GPC6: variants seen among roughly 807,000 people sequenced by gnomAD.
GPC6 encodes the protein glypican 6.
GPC6 carries 14 observed loss-of-function variants against 55.2 expected under a neutral mutation model. The ratio of observed to expected loss-of-function variants is 0.25; its 90% confidence interval spans 0.17 to 0.40. The LOEUF (loss-of-function observed/expected upper bound fraction) is 0.40, where lower values mean the gene tolerates loss of function less well. Among genes scored for constraint, GPC6 ranks in the 10% least tolerant of loss-of-function variants. The pLI is 1.00. For missense variants in GPC6, 641 were observed against 708.5 expected (o/e 0.90, Z 1.08); for synonymous variants, 278 against 259.6 (o/e 1.07, Z -0.68).
At chr13:93,374,287 C>G (rs773947075) in intron 1 of GPC6, among the ~76,000 whole-genome samples, 2 of 152,098 alleles carry the variant, frequency 1.3e-5, no homozygotes, top group Non-Finnish European at 2.9e-5. Context: ...CTAGGGATTG[C>G]GGAGCAGGTG....
chr13:94,251,286 C>T (rs2139037478), intron 4 of GPC6, among the ~76,000 whole-genome samples: 1 of 150,536 alleles, frequency 6.6e-6, no homozygotes, highest in Middle Eastern at 3.4e-3. Context: ...GGGAAACACA[C>T]ACCAGGGCCA....
intron 1 of GPC6, among the ~76,000 whole-genome samples, chr13:93,392,878 G>A (rs1173046693): frequency 6.6e-6 from 1 of 152,048 alleles, no homozygotes; most frequent in Non-Finnish European, 1.5e-5. Context: ...GTGATTAGCT[G>A]TTACATTCTT....
At chr13:94,306,785 A>G (rs1875968262) in intron 6 of GPC6, among the ~76,000 whole-genome samples, 1 of 152,220 alleles carries the variant, frequency 6.6e-6, no homozygotes, top group Non-Finnish European at 1.5e-5. Flanking sequence ...TGCCATTTAA[A>G]AAAGCTCATA....
chr13:94,176,435 C>T (rs962413044), intron 4 of GPC6, among the ~76,000 whole-genome samples: 5 of 152,090 alleles, frequency 3.3e-5, no homozygotes, highest in Admixed American at 2.0e-4. Context: ...ATAGCAGAAC[C>T]GATATTTGGA....
chr13:93,891,888 G>C (rs751462936), intron 3 of GPC6, among the ~76,000 whole-genome samples: 13 of 151,764 alleles, frequency 8.6e-5, no homozygotes, highest in Non-Finnish European at 1.9e-4. Flanking sequence ...TGTGTATATT[G>C]TGTGTATAGT....
intron 3 of GPC6, among the ~76,000 whole-genome samples, chr13:93,884,828 T>C (rs1446408438): frequency 6.6e-6 from 1 of 152,138 alleles, no homozygotes; most frequent in African/African-American, 2.4e-5. Context: ...CGGCTGCATT[T>C]TGTATGTTAG....
At chr13:93,549,509 C>CTT (rs1298630524) in intron 2 of GPC6, among the ~76,000 whole-genome samples, 1 of 152,136 alleles carries the variant, frequency 6.6e-6, no homozygotes, top group Non-Finnish European at 1.5e-5. Flanking sequence ...TTGAGGCAAA[C>CTT]TGCAGTGCAG....
intron 3 of GPC6, among the ~76,000 whole-genome samples, chr13:93,972,877 A>G (rs1880343728): frequency 6.6e-6 from 1 of 151,720 alleles, no homozygotes; most frequent in South Asian, 2.1e-4. Context: ...TCTGTAGACC[A>G]TCAAACATGG....
intron 1 of GPC6, among the ~76,000 whole-genome samples, chr13:93,241,133 A>T (rs181095465): frequency 6.6e-6 from 1 of 152,138 alleles, no homozygotes; most frequent in African/African-American, 2.4e-5. Flanking sequence ...TTCTTTTTGC[A>T]ATGAATCTCC....
intron 4 of GPC6, among the ~76,000 whole-genome samples, chr13:94,239,463 A>G (rs892659357): frequency 2.0e-5 from 3 of 152,154 alleles, no homozygotes; most frequent in African/African-American, 7.2e-5. Flanking sequence ...AATCAAGTCA[A>G]GGAAAAATGT....
At chr13:94,321,008 G>A (rs753412501) in intron 6 of GPC6, among the ~76,000 whole-genome samples, 4 of 152,026 alleles carry the variant, frequency 2.6e-5, no homozygotes, top group Admixed American at 6.5e-5. Context: ...AGATTATTTC[G>A]CCAACCAGAT....
intron 1 of GPC6, among the ~76,000 whole-genome samples, chr13:93,363,206 C>T (rs1213035980): frequency 6.9e-6 from 1 of 145,542 alleles, no homozygotes; most frequent in Non-Finnish European, 1.5e-5. Flanking sequence ...CATATGTATA[C>T]ATGTGCCATG....
chr13:94,307,158 C>A (rs1221338928), intron 6 of GPC6, among the ~76,000 whole-genome samples: 1 of 152,124 alleles, frequency 6.6e-6, no homozygotes, highest in African/African-American at 2.4e-5. Flanking sequence ...ATCAAATGTG[C>A]TTACAACCTA....
chr13:93,320,550 G>T (rs1048866455), intron 1 of GPC6, among the ~76,000 whole-genome samples: 3 of 151,662 alleles, frequency 2.0e-5, no homozygotes, highest in African/African-American at 7.3e-5. Context: ...GGACTAAGTG[G>T]TATTGTTTAT....
At chr13:93,549,190 A>T (rs1173393096) in intron 2 of GPC6, among the ~76,000 whole-genome samples, 1 of 152,146 alleles carries the variant, frequency 6.6e-6, no homozygotes, top group African/African-American at 2.4e-5. Context: ...GAATGATCAC[A>T]TTACTCCCTT....
At chr13:93,402,923 C>T (rs1876144060) in intron 1 of GPC6, among the ~76,000 whole-genome samples, 1 of 152,024 alleles carries the variant, frequency 6.6e-6, no homozygotes, top group African/African-American at 2.4e-5. Flanking sequence ...GTATACATAT[C>T]TTGAAAAATC....
intron 1 of GPC6, among the ~76,000 whole-genome samples, chr13:93,290,375 C>T (rs1355587432): frequency 6.6e-6 from 1 of 152,046 alleles, no homozygotes. Flanking sequence ...TGATAATATG[C>T]ACTATACAAC....
chr13:93,297,642 A>G (rs182154022), intron 1 of GPC6, among the ~76,000 whole-genome samples: 2 of 152,088 alleles, frequency 1.3e-5, no homozygotes, highest in African/African-American at 4.8e-5. Flanking sequence ...AGTAAAAAGT[A>G]AAAAACAAAA....
chr13:93,837,891 C>T (rs1211527426), intron 3 of GPC6, among the ~76,000 whole-genome samples: 5 of 152,068 alleles, frequency 3.3e-5, no homozygotes, highest in Non-Finnish European at 7.4e-5. Context: ...AGCAGAAGTG[C>T]AGAGGTGTGA....
Sources: gnomAD v4.1 joint callset for allele counts (sites outside exome capture counted in the v4.1 genomes callset) on GRCh38, gnomAD v4.1.1 for gene constraint, MANE v1.5 for transcripts, NCBI Gene and HGNC (gene_info 2026-07-23, HGNC 2026-07-21) for gene names.